SGCZ: variants seen among roughly 807,000 people sequenced by gnomAD.
SGCZ encodes zeta-sarcoglycan.
In SGCZ, 40 loss-of-function variants were observed where a neutral mutation model predicts 41.3. The observed-to-expected ratio is 0.97, with a 90% confidence interval of 0.75 to 1.26. The LOEUF is 1.26. Among genes scored for constraint, SGCZ ranks in the 50% most tolerant of loss-of-function variants. The pLI is 0.00. For missense variants in SGCZ, 552 were observed against 369.8 expected (o/e 1.49, Z -4.04); for synonymous variants, 206 against 137.5 (o/e 1.50, Z -3.49).
intron 2 of SGCZ, among the ~76,000 whole-genome samples, chr8:14,346,238 C>T (rs1644507468): frequency 6.6e-6 from 1 of 151,962 alleles, no homozygotes; most frequent in Non-Finnish European, 1.5e-5. Flanking sequence ...ACATTCTGCT[C>T]ATTTTCCTGT....
intron 2 of SGCZ, among the ~76,000 whole-genome samples, chr8:14,368,335 A>T (rs1022867228): frequency 2.0e-5 from 3 of 152,060 alleles, no homozygotes; most frequent in African/African-American, 7.2e-5. Context: ...TTTAGAAGAG[A>T]TTCATATTAG....
chr8:14,775,894 T>A (rs1563261412), intron 1 of SGCZ, among the ~76,000 whole-genome samples: 1 of 152,072 alleles, frequency 6.6e-6, no homozygotes, highest in African/African-American at 2.4e-5. Context: ...ACAATTCCAA[T>A]ATGTAAAACA....
intron 2 of SGCZ, among the ~76,000 whole-genome samples, chr8:14,374,221 A>G (rs571077401): frequency 2.0e-5 from 3 of 152,208 alleles, no homozygotes; most frequent in South Asian, 4.1e-4. Context: ...CTACACAAGT[A>G]TACAAAAATT....
At chr8:14,378,975 G>A (rs1804252964) in intron 2 of SGCZ, among the ~76,000 whole-genome samples, 1 of 152,056 alleles carries the variant, frequency 6.6e-6, no homozygotes, top group Non-Finnish European at 1.5e-5. Context: ...ATTAATGGAT[G>A]CTTTCTTACG....
At chr8:14,514,128 C>T (rs1289183442) in intron 2 of SGCZ, among the ~76,000 whole-genome samples, 1 of 151,942 alleles carries the variant, frequency 6.6e-6, no homozygotes. Flanking sequence ...CTGGAAAACC[C>T]AGATATACAG....
At chr8:15,178,798 G>A (rs529332433) in intron 1 of SGCZ, among the ~76,000 whole-genome samples, 1 of 122,366 alleles carries the variant, frequency 8.2e-6, no homozygotes, top group East Asian at 2.2e-4. Flanking sequence ...GAAGTGCAGG[G>A]AAGGAAAAAA....
chr8:14,813,066 A>C (rs2130543102), intron 1 of SGCZ, among the ~76,000 whole-genome samples: 1 of 152,296 alleles, frequency 6.6e-6, no homozygotes, highest in Admixed American at 6.5e-5. Context: ...AAATAACAAA[A>C]ATTTTAAAGT....
intron 1 of SGCZ, among the ~76,000 whole-genome samples, chr8:14,882,158 T>A (rs984047704): frequency 6.6e-6 from 1 of 152,198 alleles, no homozygotes; most frequent in Non-Finnish European, 1.5e-5. Flanking sequence ...TGTAAGTGAA[T>A]GTGAGGTCTT....
At chr8:15,062,416 T>G (rs1204225172) in intron 1 of SGCZ, among the ~76,000 whole-genome samples, 1 of 152,166 alleles carries the variant, frequency 6.6e-6, no homozygotes, top group Non-Finnish European at 1.5e-5. Context: ...TTCGTCTGTC[T>G]GTACATTTCT....
chr8:14,845,607 G>A (rs1352335574), intron 1 of SGCZ, among the ~76,000 whole-genome samples: 3 of 152,100 alleles, frequency 2.0e-5, no homozygotes, highest in Non-Finnish European at 4.4e-5. Context: ...AACTTTATAT[G>A]TTGTAAAATT....
At chr8:14,468,377 C>T (rs1190539330) in intron 2 of SGCZ, among the ~76,000 whole-genome samples, 1 of 152,026 alleles carries the variant, frequency 6.6e-6, no homozygotes, top group African/African-American at 2.4e-5. Flanking sequence ...TGGCTAATAT[C>T]AATTTATTTT....
intron 1 of SGCZ, among the ~76,000 whole-genome samples, chr8:15,102,084 T>C (rs1806637375): frequency 6.6e-6 from 1 of 152,184 alleles, no homozygotes; most frequent in African/African-American, 2.4e-5. Flanking sequence ...AATGAAAATT[T>C]ATGTCCACAC....
At chr8:14,693,575 C>T (rs1228276482) in intron 1 of SGCZ, among the ~76,000 whole-genome samples, 2 of 140,670 alleles carry the variant, frequency 1.4e-5, no homozygotes, top group African/African-American at 2.6e-5. Context: ...TCAGCTACCA[C>T]GACTGGCTTT....
intron 2 of SGCZ, among the ~76,000 whole-genome samples, chr8:14,387,695 G>A (rs543360773): frequency 2.0e-5 from 3 of 151,624 alleles, no homozygotes; most frequent in Non-Finnish European, 2.9e-5. Flanking sequence ...ATATGTTGAG[G>A]AGCACAAAAA....
At chr8:15,081,056 CA>C (rs1227507571) in intron 1 of SGCZ, among the ~76,000 whole-genome samples, 1 of 152,096 alleles carries the variant, frequency 6.6e-6, no homozygotes, top group African/African-American at 2.4e-5. Context: ...CTCCAGCCTC[CA>C]AAATCACAAG....
At chr8:14,246,228 A>C (rs1451127017) in intron 3 of SGCZ, among the ~76,000 whole-genome samples, 2 of 152,342 alleles carry the variant, frequency 1.3e-5, no homozygotes, top group East Asian at 3.9e-4. Flanking sequence ...CTGGATTAAG[A>C]AAATGTGGCA....
chr8:14,525,474 C>CA (rs1358144897), intron 2 of SGCZ, among the ~76,000 whole-genome samples: 14 of 152,044 alleles, frequency 9.2e-5, no homozygotes, highest in African/African-American at 2.7e-4. Context: ...TTTAATATAT[C>CA]ATTATTAATT....
At position 15,195,609 on chromosome 8, in the gene SGCZ, C is replaced by T. The variant is rs376546126; in HGVS notation, c.39+41976G>A. Reference sequence around the variant, plus strand: ...GACAAGAGTCCGTGCCTGATTGGAGCTCAAATTCCATTAGTGTGCCACCCC... The same window carrying T: ...GACAAGAGTCCGTGCCTGATTGGAGTTCAAATTCCATTAGTGTGCCACCCC... On this transcript the variant is annotated intron_variant, in intron 1 of 7. Transcript: ENST00000382080. 9.9e-5 allele frequency among the ~76,000 whole-genome samples: 15 copies of T among 152,256 alleles called. No homozygotes were observed. In the East Asian group the frequency reaches 2.9e-3, roughly 29 times the overall value.
At chr8:14,497,458 G>A (rs535438807) in intron 2 of SGCZ, among the ~76,000 whole-genome samples, 1 of 152,232 alleles carries the variant, frequency 6.6e-6, no homozygotes, top group African/African-American at 2.4e-5. Flanking sequence ...CACCCTGCAG[G>A]CTGAATGCAG....
Sources: allele counts gnomAD v4.1 joint callset (sites outside exome capture counted in the v4.1 genomes callset), GRCh38; gene constraint gnomAD v4.1.1; transcripts MANE v1.5; gene names NCBI Gene and HGNC (gene_info 2026-07-23, HGNC 2026-07-21).